CBX5: variants seen among roughly 807,000 people sequenced by gnomAD.
CBX5 encodes chromobox 5.
Under a neutral mutation model 20.7 loss-of-function variants are expected in CBX5, and 7 were observed. That is an observed-to-expected ratio of 0.34 (90% confidence interval 0.19 to 0.63). CBX5 has a LOEUF of 0.63. CBX5 is among the 30% of genes least tolerant of loss of function. CBX5 has a pLI of 0.75. For missense variants in CBX5, 110 were observed against 224.1 expected (o/e 0.49, Z 3.25); for synonymous variants, 78 against 77.0 (o/e 1.01, Z -0.07).
rs112876149 is a variant in CBX5, at chr12:54,269,008, A to G, written c.-43+11000T>C. Among the ~76,000 whole-genome samples, 624 of 152,350 alleles carry G rather than the reference A, an allele frequency of 4.1e-3. 8 individuals carry two copies. Among genetic ancestry groups the G allele is most frequent in the African/African-American group, 0.014 (587 of 41,586 alleles). On this transcript the variant is annotated intron_variant, in intron 1 of 4. Coordinates refer to ENST00000209875, the MANE Select transcript of CBX5 (RefSeq NM_012117.3). ...CCAGGCACGGTGGCTCACGCCTATA[A>G]TCCCAGCACTTTGGGAGGCTGAGGT...
intron 3 of CBX5, among the ~76,000 whole-genome samples, chr12:54,248,686 T>C (rs897483403): frequency 3.9e-5 from 6 of 152,158 alleles, no homozygotes; most frequent in Admixed American, 3.9e-4. Flanking sequence ...AACAGTTTGC[T>C]ACATAGGGAG....
chr12:54,269,671 G>A (rs1943991573), intron 1 of CBX5, among the ~76,000 whole-genome samples: 1 of 152,184 alleles, frequency 6.6e-6, no homozygotes, highest in Admixed American at 6.5e-5. Flanking sequence ...ACAGGCATGA[G>A]CCATCATGCT....
At position 54,231,347 on chromosome 12, in the gene CBX5, A is replaced by T. The variant is rs930135599; in HGVS notation, c.*10408T>A. The T allele has an allele frequency of 1.1e-4, 17 of 154,676 alleles. No homozygotes were observed. Among genetic ancestry groups the T allele is most frequent in the African/African-American group, 4.1e-4 (17 of 41,516 alleles). The allele number at this position is 154,676 out of a possible 1,614,324, so 9.6% of individuals were successfully genotyped here. On this transcript the variant is annotated 3_prime_UTR_variant, in exon 5 of 5. Coordinates refer to ENST00000209875, the MANE Select transcript of CBX5 (RefSeq NM_012117.3). ...CCCATCCTGTAGGAAGTGGTGGGAA[A>T]GCCAGCGGACCATGGGCAAGTCAAC...
chr12:54,257,419 A>G, intron 2 of CBX5, 95 bp downstream of exon 2: 1 of 1,322,018 alleles, frequency 7.6e-7, no homozygotes, highest in South Asian at 1.3e-5. Context: ...AGGAGGGGGA[A>G]GAAAAAGACA....
In CBX5 at chr12:54,233,153, G is replaced by A. The variant is rs1943584838; in HGVS notation, c.*8602C>T. On this transcript the variant is annotated 3_prime_UTR_variant, in exon 5 of 5. Coordinates refer to ENST00000209875, the MANE Select transcript of CBX5 (RefSeq NM_012117.3). ...ATCTTCAAAAACACCTCAAGGGTAA[G>A]GATACAAATGGTGACCCCTGCTTTT... 1 of 152,182 alleles carries A rather than the reference G, an allele frequency of 6.6e-6. No individual in the cohort carries two copies. Among genetic ancestry groups the A allele is most frequent in the Non-Finnish European group, 1.5e-5 (1 of 68,038 alleles). The allele number at this position is 152,182 out of a possible 1,614,324, so 9.4% of individuals were successfully genotyped here. A position where few individuals can be genotyped will look rare whatever the true frequency, so the allele number is the denominator to read the frequency against.
At chr12:54,276,033 T>G (rs1429661490) in intron 1 of CBX5, among the ~76,000 whole-genome samples, 1 of 151,506 alleles carries the variant, frequency 6.6e-6, no homozygotes, top group Non-Finnish European at 1.5e-5. Context: ...GGAGACATTT[T>G]GCAATATTTT....
intron 1 of CBX5, chr12:54,276,526 G>C (rs1023186584): frequency 2.0e-5 from 3 of 152,196 alleles, no homozygotes; most frequent in African/African-American, 7.2e-5. Flanking sequence ...CGTTGTAAAG[G>C]TGAAAAATCT....
At chr12:54,261,463 A>G (rs1943915626) in intron 1 of CBX5, among the ~76,000 whole-genome samples, 1 of 151,782 alleles carries the variant, frequency 6.6e-6, no homozygotes, top group African/African-American at 2.4e-5. Context: ...CGCCCAGCTA[A>G]TTTTTGTATT....
At chr12:54,251,150 A>C (rs965293963) in intron 3 of CBX5, among the ~76,000 whole-genome samples, 1 of 150,518 alleles carries the variant, frequency 6.6e-6, no homozygotes, top group African/African-American at 2.5e-5. Context: ...AGAAAAAAGG[A>C]AGTGAAATGG....
At chr12:54,251,287 C>T (rs1389794574) in intron 3 of CBX5, among the ~76,000 whole-genome samples, 2 of 151,798 alleles carry the variant, frequency 1.3e-5, no homozygotes, top group Non-Finnish European at 2.9e-5. Context: ...GGCGAAACCC[C>T]GTCTCTATTA....
At chr12:54,269,753 G>T (rs1211335577) in intron 1 of CBX5, among the ~76,000 whole-genome samples, 6 of 152,114 alleles carry the variant, frequency 3.9e-5, no homozygotes, top group African/African-American at 7.2e-5. Context: ...TAGAGATAGG[G>T]CTAGTAAGGT....
intron 1 of CBX5, among the ~76,000 whole-genome samples, chr12:54,266,964 A>T (rs1410071182): frequency 6.6e-6 from 1 of 152,210 alleles, no homozygotes; most frequent in Non-Finnish European, 1.5e-5. Context: ...TTAAATATCC[A>T]ATTGTTTCAA....
At chr12:54,266,466 A>G (rs1374914831) in intron 1 of CBX5, among the ~76,000 whole-genome samples, 1 of 152,182 alleles carries the variant, frequency 6.6e-6, no homozygotes, top group African/African-American at 2.4e-5. Context: ...GCTTACACCT[A>G]TAATCCCAAC....
Position 54,233,380 on chromosome 12 carries a change from T to C in CBX5, c.*8375A>G, listed in dbSNP as rs895995467. On this transcript the variant is annotated 3_prime_UTR_variant, in exon 5 of 5. Coordinates refer to ENST00000209875, the MANE Select transcript of CBX5 (RefSeq NM_012117.3). Reference sequence around the variant, plus strand: ...TATCCTAAACTGAGGAGGTGAGGGGTGAGGGTGACACGAGACAAACACCAA... The same window carrying C: ...TATCCTAAACTGAGGAGGTGAGGGGCGAGGGTGACACGAGACAAACACCAA... 1 of 151,876 alleles carries C rather than the reference T, an allele frequency of 6.6e-6. No individual in the cohort carries two copies. The highest frequency in any genetic ancestry group is 1.5e-5 in the Non-Finnish European group (1 of 67,960). The allele number at this position is 151,876 out of a possible 1,614,324, so 9.4% of individuals were successfully genotyped here. A position where few individuals can be genotyped will look rare whatever the true frequency, so the allele number is the denominator to read the frequency against.
chr12:54,241,935 G>A (rs1303814886), intron 4 of CBX5, 30 bp from the exon 5 acceptor site: 2 of 1,601,572 alleles, frequency 1.2e-6, no homozygotes, highest in Non-Finnish European at 1.7e-6. Flanking sequence ...GACTTAAAAG[G>A]AGAGGAAGAG....
rs182852461 is a variant in CBX5, at chr12:54,263,002, T to C, written c.-42-5310A>G. 1.7e-3 allele frequency: 262 copies of C among 152,372 alleles called. 4 individuals carry two copies. The highest frequency in any genetic ancestry group is 0.01 in the Middle Eastern group (3 of 296). 9.4% of individuals were successfully genotyped at this position (152,372 alleles called of 1,614,324 possible). Reference sequence around the variant, plus strand: ...ACAGCTCTCAGCCTTCTCTCTTAAATATACATAGGAACTATCTGGTAAAGC... The same window carrying C: ...ACAGCTCTCAGCCTTCTCTCTTAAACATACATAGGAACTATCTGGTAAAGC... On this transcript the variant is annotated intron_variant, in intron 1 of 4. Coordinates refer to ENST00000209875, the MANE Select transcript of CBX5 (RefSeq NM_012117.3).
At chr12:54,246,519 C>T (rs1943737271) in intron 3 of CBX5, among the ~76,000 whole-genome samples, 2 of 152,094 alleles carry the variant, frequency 1.3e-5, no homozygotes, top group Admixed American at 1.3e-4. Context: ...TGGTGGCTCA[C>T]GCCTGTAATC....
intron 1 of CBX5, chr12:54,273,545 G>A (rs1944030918): frequency 1.3e-5 from 2 of 152,124 alleles, no homozygotes; most frequent in Admixed American, 6.5e-5. Context: ...GATAGGATTG[G>A]AGAAATTTAT....
chr12:54,255,899 A>G (rs1943858669), intron 2 of CBX5: 2 of 152,384 alleles, frequency 1.3e-5, no homozygotes. Context: ...GGTACATACC[A>G]CCATGCCTGG....
Sources: gnomAD v4.1 joint callset for allele counts (sites outside exome capture counted in the v4.1 genomes callset) on GRCh38, gnomAD v4.1.1 for gene constraint, MANE v1.5 for transcripts, NCBI Gene and HGNC (gene_info 2026-07-23, HGNC 2026-07-21) for gene names.